The following LRRC4C variants were observed in gnomAD, a reference collection of about 807,000 sequenced individuals.
LRRC4C encodes leucine-rich repeat-containing protein 4C.
Under a neutral mutation model 33.6 loss-of-function variants are expected in LRRC4C, and 5 were observed. That is an observed-to-expected ratio of 0.15 (90% CI 0.08 to 0.31). The LOEUF is 0.31. Ranked by LOEUF, LRRC4C falls within the 10% of genes least tolerant of loss-of-function variation. LRRC4C has a pLI of 1.00. For synonymous variants in LRRC4C, 329 were observed against 302.0 expected, an observed-to-expected ratio of 1.09 and a Z score of -0.93; for missense variants, 560 against 796.7, an observed-to-expected ratio of 0.70 and a Z score of 3.58.
intron 2 of LRRC4C, among the ~76,000 whole-genome samples, chr11:40,828,209 T>C (rs977210015): frequency 3.3e-5 from 5 of 150,932 alleles, no homozygotes; most frequent in Non-Finnish European, 7.4e-5. Flanking sequence ...ATATAGCATA[T>C]AAGTATATAT....
intron 1 of LRRC4C, among the ~76,000 whole-genome samples, chr11:41,294,412 T>C (rs1168923716): frequency 6.6e-6 from 1 of 152,210 alleles, no homozygotes; most frequent in African/African-American, 2.4e-5. Flanking sequence ...CTCAGTTTTG[T>C]TCACCTCTGT....
intron 2 of LRRC4C, among the ~76,000 whole-genome samples, chr11:40,872,287 T>G (rs1954688989): frequency 6.7e-6 from 1 of 150,346 alleles, no homozygotes; most frequent in Non-Finnish European, 1.5e-5. Flanking sequence ...TAGTCCTGGC[T>G]CTCTCCTTAA....
intron 1 of LRRC4C, among the ~76,000 whole-genome samples, chr11:41,241,865 C>T (rs1245573467): frequency 2.0e-5 from 3 of 152,146 alleles, no homozygotes; most frequent in Admixed American, 2.0e-4. Context: ...GAAAGAGTCT[C>T]TTCACTGGCA....
chr11:40,234,843 T>C (rs1458591901), intron 5 of LRRC4C, among the ~76,000 whole-genome samples: 1 of 152,214 alleles, frequency 6.6e-6, no homozygotes, highest in Non-Finnish European at 1.5e-5. Context: ...CCCTAGTTTC[T>C]ATCCATAAGG....
intron 3 of LRRC4C, among the ~76,000 whole-genome samples, chr11:40,369,002 A>G (rs920751702): frequency 5.3e-5 from 8 of 152,226 alleles, no homozygotes; most frequent in Non-Finnish European, 7.3e-5. Flanking sequence ...GGCTCATAAA[A>G]TGGTTAATGA....
intron 2 of LRRC4C, among the ~76,000 whole-genome samples, chr11:40,833,685 A>T (rs1952523384): frequency 6.6e-6 from 1 of 152,190 alleles, no homozygotes; most frequent in African/African-American, 2.4e-5. Context: ...ATCAAAAAAT[A>T]GGAAATATTT....
chr11:41,096,989 G>T (rs1743143786), intron 1 of LRRC4C, among the ~76,000 whole-genome samples: 1 of 152,146 alleles, frequency 6.6e-6, no homozygotes, highest in African/African-American at 2.4e-5. Flanking sequence ...ATGAAGAAGG[G>T]ATGATAGGAA....
At chr11:40,890,957 A>T (rs1393697452) in intron 2 of LRRC4C, among the ~76,000 whole-genome samples, 1 of 152,174 alleles carries the variant, frequency 6.6e-6, no homozygotes, top group Non-Finnish European at 1.5e-5. Context: ...AACTTGCCAG[A>T]CTAGGTTGGG....
intron 1 of LRRC4C, among the ~76,000 whole-genome samples, chr11:41,117,874 T>C (rs1282723473): frequency 1.3e-5 from 2 of 152,100 alleles, no homozygotes; most frequent in Non-Finnish European, 2.9e-5. Flanking sequence ...AATTTAAAAC[T>C]AAAATGGAGA....
At chr11:41,097,953 C>A (rs1009765152) in intron 1 of LRRC4C, among the ~76,000 whole-genome samples, 1 of 152,048 alleles carries the variant, frequency 6.6e-6, no homozygotes, top group South Asian at 2.1e-4. Flanking sequence ...TAAACTAAAC[C>A]AATATCTCAT....
chr11:40,910,809 G>T (rs1361576410), intron 2 of LRRC4C, among the ~76,000 whole-genome samples: 2 of 152,178 alleles, frequency 1.3e-5, no homozygotes, highest in African/African-American at 4.8e-5. Flanking sequence ...AAGGAAAGGG[G>T]TGACAGATGG....
intron 3 of LRRC4C, among the ~76,000 whole-genome samples, chr11:40,582,990 T>C (rs991843471): frequency 6.6e-6 from 1 of 152,222 alleles, no homozygotes; most frequent in Admixed American, 6.5e-5. Context: ...CTCCTAGTTA[T>C]TTTGAAATAT....
At chr11:40,266,940 C>G (rs1038178355) in intron 4 of LRRC4C, among the ~76,000 whole-genome samples, 1 of 122,074 alleles carries the variant, frequency 8.2e-6, no homozygotes, top group Admixed American at 8.2e-5. Flanking sequence ...ACACACCACA[C>G]CCACCCACCC....
intron 2 of LRRC4C, among the ~76,000 whole-genome samples, chr11:40,705,280 A>G (rs554083176): frequency 2.0e-5 from 3 of 152,146 alleles, no homozygotes; most frequent in Non-Finnish European, 4.4e-5. Flanking sequence ...GTATGTATAT[A>G]TGTGCCTCTT....
chr11:40,832,903 C>G (rs894761664), intron 2 of LRRC4C, among the ~76,000 whole-genome samples: 1 of 152,180 alleles, frequency 6.6e-6, no homozygotes, highest in Admixed American at 6.5e-5. Context: ...AAGCATTTAT[C>G]AAGGCAGTGT....
At position 40,683,251 on chromosome 11, in the gene LRRC4C, G is replaced by T. The variant is rs570781694; in HGVS notation, c.-406-34973C>A. Among the ~76,000 whole-genome samples the T allele has an allele frequency of 2.5e-3, 379 of 152,176 alleles. 2 individuals carry two copies. Among genetic ancestry groups the T allele is most frequent in the African/African-American group, 8.7e-3 (363 of 41,504 alleles). ...GATATCCGTAAGTATAGGTATGCTC[G>T]GCATCCCTTTAGCATTCTCCACTAC... is the stretch of plus-strand genomic sequence containing the variant. On this transcript the variant is annotated intron_variant, in intron 2 of 6. Coordinates refer to ENST00000528697, the MANE Select transcript of LRRC4C (RefSeq NM_001258419.2).
intron 2 of LRRC4C, among the ~76,000 whole-genome samples, chr11:40,717,683 G>T (rs1564971704): frequency 6.6e-6 from 1 of 152,036 alleles, no homozygotes; most frequent in African/African-American, 2.4e-5. Flanking sequence ...AGTCTTCTCA[G>T]CCACCTGACC....
intron 3 of LRRC4C, among the ~76,000 whole-genome samples, chr11:40,585,606 A>G (rs926047795): frequency 5.9e-5 from 8 of 135,290 alleles, no homozygotes; most frequent in African/African-American, 1.6e-4. Flanking sequence ...ATATCTCCCA[A>G]TGGTATCCCT....
intron 2 of LRRC4C, among the ~76,000 whole-genome samples, chr11:40,802,939 A>G (rs1951098455): frequency 6.6e-6 from 1 of 152,224 alleles, no homozygotes; most frequent in African/African-American, 2.4e-5. Flanking sequence ...GGAGCAAAAG[A>G]AAATCTTAAA....
Sources: gnomAD v4.1 joint callset for allele counts (sites outside exome capture counted in the v4.1 genomes callset) on GRCh38, gnomAD v4.1.1 for gene constraint, MANE v1.5 for transcripts, NCBI Gene and HGNC (gene_info 2026-07-23, HGNC 2026-07-21) for gene names.